Variants in ARHGAP15 observed in about 807,000 individuals in gnomAD.
ARHGAP15 encodes the protein rho GTPase-activating protein 15.
ARHGAP15 carries 51 observed loss-of-function variants against 63.7 expected under a neutral mutation model. The ratio of observed to expected loss-of-function variants is 0.80; its 90% CI spans 0.64 to 1.01. The LOEUF is 1.01. Ranked by LOEUF, ARHGAP15 falls within the 50% of genes least tolerant of loss-of-function variation. The probability of loss-of-function intolerance (pLI) is 0.00; values close to 1 mark genes in which losing one functional copy is unlikely to be tolerated. For synonymous variants in ARHGAP15, 191 were observed against 193.8 expected, an observed-to-expected ratio of 0.99 and a Z score of 0.12; for missense variants, 560 against 564.6, an observed-to-expected ratio of 0.99 and a Z score of 0.08.
intron 13 of ARHGAP15, among the ~76,000 whole-genome samples, chr2:143,704,190 G>A (rs1012898779): frequency 1.3e-5 from 2 of 152,168 alleles, no homozygotes; most frequent in African/African-American, 4.8e-5. Flanking sequence ...TCCACAGTGA[G>A]AGATTTGGAT....
intron 6 of ARHGAP15, among the ~76,000 whole-genome samples, chr2:143,307,863 T>A (rs2105177108): frequency 6.6e-6 from 1 of 152,254 alleles, no homozygotes; most frequent in East Asian, 1.9e-4. Context: ...GAAAAAAAGT[T>A]CCATTTAAAT....
At chr2:143,166,989 G>A (rs116019061) in intron 2 of ARHGAP15, among the ~76,000 whole-genome samples, 1,632 of 151,996 alleles carry the variant, frequency 0.011, 28 homozygotes, top group African/African-American at 0.037. Context: ...ACTTTTCACT[G>A]ATGTTGAAAT....
At chr2:143,162,759 T>C (rs1182480905) in intron 2 of ARHGAP15, among the ~76,000 whole-genome samples, 2 of 152,040 alleles carry the variant, frequency 1.3e-5, no homozygotes, top group Non-Finnish European at 2.9e-5. Context: ...GTCAATATTA[T>C]TAAGAGAGGT....
intron 11 of ARHGAP15, among the ~76,000 whole-genome samples, chr2:143,567,219 A>G (rs1696266375): frequency 6.6e-6 from 1 of 152,062 alleles, no homozygotes; most frequent in Non-Finnish European, 1.5e-5. Context: ...ACACTGTGGC[A>G]TCTATGTAAG....
chr2:143,661,562 C>T (rs577857688), intron 12 of ARHGAP15, among the ~76,000 whole-genome samples: 9 of 152,062 alleles, frequency 5.9e-5, no homozygotes, highest in African/African-American at 1.4e-4. Context: ...AATAAGTGCT[C>T]GGGAGGAGCC....
chr2:143,533,652 G>A (rs1274885876), intron 10 of ARHGAP15, among the ~76,000 whole-genome samples: 2 of 152,152 alleles, frequency 1.3e-5, no homozygotes, highest in African/African-American at 4.8e-5. Flanking sequence ...AAAGGGAAAA[G>A]GGAGTCTCAC....
chr2:143,424,052 AGGTAGATCATCTTTCTAT>A (rs1395783250), intron 6 of ARHGAP15, among the ~76,000 whole-genome samples: 1 of 152,150 alleles, frequency 6.6e-6, no homozygotes, highest in Admixed American at 6.6e-5. Context: ...ATATGGATTT[AGGTAGATCATCTTTCTAT>A]GGTCTAGAGC....
chr2:143,695,704 C>T (rs1683812980), intron 12 of ARHGAP15, among the ~76,000 whole-genome samples: 1 of 151,912 alleles, frequency 6.6e-6, no homozygotes, highest in South Asian at 2.1e-4. Flanking sequence ...CCCACCTCTA[C>T]AAAAAATACA....
intron 13 of ARHGAP15, among the ~76,000 whole-genome samples, chr2:143,709,414 G>A: frequency 6.6e-6 from 1 of 152,212 alleles, no homozygotes; most frequent in East Asian, 1.9e-4. Flanking sequence ...GAATATATTT[G>A]CTGCAGATTT....
Position 143,740,882 on chromosome 2 carries a change from C to T in ARHGAP15, c.1245-27107C>T, listed in dbSNP as rs1685936168. ...TGTTTTGCAAATGCTAATACCATCC[C>T]ATCCATTTTTTTCCAGAAATATTGA... On this transcript the variant is annotated intron_variant, in intron 13 of 13. Transcript: ENST00000295095. Among the ~76,000 whole-genome samples, 3 of 152,030 alleles carry T rather than the reference C, an allele frequency of 2.0e-5. No individual in the cohort carries two copies. In the South Asian group the frequency reaches 6.2e-4, roughly 32 times the overall value.
chr2:143,396,766 A>G (rs1391563198), intron 6 of ARHGAP15, among the ~76,000 whole-genome samples: 1 of 152,062 alleles, frequency 6.6e-6, no homozygotes, highest in South Asian at 2.1e-4. Context: ...TGGCTCAAGC[A>G]TATTCAGTCA....
intron 11 of ARHGAP15, among the ~76,000 whole-genome samples, chr2:143,612,255 CTT>C (rs1698285491): frequency 6.6e-6 from 1 of 152,176 alleles, no homozygotes; most frequent in Non-Finnish European, 1.5e-5. Context: ...TTTCATACCT[CTT>C]TGCTAGAACA....
intron 6 of ARHGAP15, among the ~76,000 whole-genome samples, chr2:143,254,483 T>C (rs1008859394): frequency 4.6e-5 from 7 of 152,120 alleles, no homozygotes; most frequent in African/African-American, 1.4e-4. Flanking sequence ...GTTTTGTCTT[T>C]TCCTTTGAAC....
intron 2 of ARHGAP15, among the ~76,000 whole-genome samples, chr2:143,166,041 A>AATAG (rs1690511721): frequency 1.0e-5 from 1 of 95,900 alleles, no homozygotes; most frequent in Non-Finnish European, 2.5e-5. Context: ...CAAAGGAAGA[A>AATAG]AAAGAAAGAA....
chr2:143,334,494 A>T (rs1179837539), intron 6 of ARHGAP15, among the ~76,000 whole-genome samples: 1 of 152,166 alleles, frequency 6.6e-6, no homozygotes, highest in Non-Finnish European at 1.5e-5. Context: ...TTTCAGATTC[A>T]TGCCATTAAA....
intron 6 of ARHGAP15, among the ~76,000 whole-genome samples, chr2:143,354,237 G>T (rs918893592): frequency 1.3e-5 from 2 of 152,136 alleles, no homozygotes; most frequent in African/African-American, 4.8e-5. Context: ...TCCCTCCAAG[G>T]AACCGCGTTC....
chr2:143,599,317 GTGT>G (rs1221510276), intron 11 of ARHGAP15, among the ~76,000 whole-genome samples: 1 of 152,180 alleles, frequency 6.6e-6, no homozygotes, highest in Non-Finnish European at 1.5e-5. Flanking sequence ...AGCTTTAATA[GTGT>G]TGTTGCTGTC....
chr2:143,401,829 A>G (rs1449500092), intron 6 of ARHGAP15, among the ~76,000 whole-genome samples: 3 of 151,958 alleles, frequency 2.0e-5, no homozygotes, highest in Non-Finnish European at 4.4e-5. Flanking sequence ...CCATTGCAAT[A>G]TTTACAGTTA....
intron 8 of ARHGAP15, among the ~76,000 whole-genome samples, chr2:143,438,313 C>G (rs551487287): frequency 6.6e-6 from 1 of 151,982 alleles, no homozygotes; most frequent in East Asian, 1.9e-4. Context: ...ATTATTTGTA[C>G]GTGTACATAT....
Sources: allele counts gnomAD v4.1 joint callset (sites outside exome capture counted in the v4.1 genomes callset), GRCh38; gene constraint gnomAD v4.1.1; transcripts MANE v1.5; gene names NCBI Gene and HGNC (gene_info 2026-07-23, HGNC 2026-07-21).